LAMTOR4: variants seen among roughly 807,000 people sequenced by gnomAD.
The protein encoded by LAMTOR4 is ragulator complex protein LAMTOR4.
Under a neutral mutation model 13.5 loss-of-function variants are expected in LAMTOR4, and 11 were observed. The observed-to-expected ratio is 0.82, with a 90% confidence interval of 0.51 to 1.35. The LOEUF (loss-of-function observed/expected upper bound fraction) is 1.35. Ranked by LOEUF, LAMTOR4 falls within the 40% of genes most tolerant of loss-of-function variation. LAMTOR4 has a pLI of 0.00. For synonymous variants in LAMTOR4, 69 were observed against 52.3 expected (o/e 1.32, Z -1.38); for missense variants, 128 against 126.2 (o/e 1.01, Z -0.07).
chr7:100,151,087 T>G (rs558683052), intron 2 of LAMTOR4, among the ~76,000 whole-genome samples: 1 of 151,610 alleles, frequency 6.6e-6, no homozygotes, highest in Non-Finnish European at 1.5e-5. Context: ...TTTGTTTTTG[T>G]TTTTTGAGAC....
At chr7:100,151,358 TAAGCCAC>T (rs1798694906) in intron 2 of LAMTOR4, among the ~76,000 whole-genome samples, 1 of 151,434 alleles carries the variant, frequency 6.6e-6, no homozygotes, top group Non-Finnish European at 1.5e-5. Flanking sequence ...ATTACAGGCA[TAAGCCAC>T]TGCACCCGGC....
At chr7:100,150,919 G>A (rs1798679143) in intron 2 of LAMTOR4, among the ~76,000 whole-genome samples, 1 of 149,648 alleles carries the variant, frequency 6.7e-6, no homozygotes, top group Non-Finnish European at 1.5e-5. Context: ...AACCTGGAAG[G>A]TGGAGGTTGC....
At chr7:100,151,375 C>G (rs910763470) in intron 2 of LAMTOR4, among the ~76,000 whole-genome samples, 2 of 148,768 alleles carry the variant, frequency 1.3e-5, no homozygotes, top group African/African-American at 5.0e-5. Flanking sequence ...CTGCACCCGG[C>G]CTGTTTTTTT....
chr7:100,148,998 G>A, intron 1 of LAMTOR4, 23 bp downstream of exon 1: 1 of 1,608,010 alleles, frequency 6.2e-7, no homozygotes, highest in Admixed American at 1.7e-5. Flanking sequence ...GCATGCGCGA[G>A]AGGACCCGCC....
chr7:100,148,953 C>A lies in LAMTOR4; in HGVS notation c.-20C>A. ...AAGCTACCTATCTGGTAGGGAGCTC[C>A]CCCAGCACCGAAGACTGCGATGGTG... On this transcript the variant is annotated 5_prime_UTR_variant, in exon 1 of 4. Transcript: ENST00000341942. 6.2e-7 allele frequency: 1 copy of A among 1,612,294 alleles called. No individual in the cohort carries two copies. Among genetic ancestry groups the A allele is most frequent in the African/African-American group, 1.3e-5 (1 of 75,044 alleles).
chr7:100,154,189 G>C lies in LAMTOR4; in HGVS notation c.*225G>C. 1.9e-6 allele frequency: 1 copy of C among 528,858 alleles called. No homozygotes were observed. The highest frequency in any genetic ancestry group is 3.3e-5 in the East Asian group (1 of 30,686). The allele number at this position is 528,858 out of a possible 1,614,324, so 32.8% of individuals were successfully genotyped here. ...CTCCCTCACTCCCTAATAAACATGA[G>C]TCTGATGTTCTCCAGCCCAGGGACA... On this transcript the variant is annotated 3_prime_UTR_variant, in exon 4 of 4. Coordinates refer to ENST00000341942, the MANE Select transcript of LAMTOR4 (RefSeq NM_001008395.4).
rs200961392 is a variant in LAMTOR4 at position 100,153,491 on chromosome 7, T to C, written c.176T>C (p.Met59Thr). The change falls in exon 3 of 4, where the codon ATG becomes ACG. Residue 59 changes from methionine to threonine, a missense_variant. Transcript: ENST00000341942. ...TACGFRLHRG[M>T]NVPFKRLSVV... is the part of the protein sequence containing the mutation. ...TGCGGTTTCCGGCTGCACCGCGGCA[T>C]GAATGTGCCCTTCAAGCGCCTGTCT... The C allele has an allele frequency of 1.1e-4, 184 of 1,608,594 alleles. No individual in the cohort carries two copies. The highest frequency in any genetic ancestry group is 3.3e-4 in the Middle Eastern group (2 of 6,062).
At chr7:100,149,858 C>T in intron 2 of LAMTOR4, 1 of 262,736 alleles carries the variant, frequency 3.8e-6, no homozygotes, top group Non-Finnish European at 7.5e-6. Context: ...TCACTGCAAC[C>T]TCCGCCTCCG....
At chr7:100,150,701 C>G (rs79810375) in intron 2 of LAMTOR4, among the ~76,000 whole-genome samples, 2 of 152,038 alleles carry the variant, frequency 1.3e-5, no homozygotes, top group Non-Finnish European at 2.9e-5. Context: ...AGAGATGAGA[C>G]TGGGCTGGGC....
intron 2 of LAMTOR4, among the ~76,000 whole-genome samples, chr7:100,151,122 T>C (rs1798685781): frequency 6.6e-6 from 1 of 151,968 alleles, no homozygotes; most frequent in Non-Finnish European, 1.5e-5. Context: ...TGGCCCAGGC[T>C]GGAGTGCAGT....
At chr7:100,153,778 G>T in intron 3 of LAMTOR4, 89 bp from the exon 4 acceptor site, 1 of 934,986 alleles carries the variant, frequency 1.1e-6, no homozygotes, top group Non-Finnish European at 1.7e-6. Flanking sequence ...CAATGTGCGT[G>T]TGGCCCCGCC....
chr7:100,150,243 G>A (rs770984889), intron 2 of LAMTOR4, among the ~76,000 whole-genome samples: 8 of 152,208 alleles, frequency 5.3e-5, no homozygotes, highest in Non-Finnish European at 1.2e-4. Flanking sequence ...TAAGTCTCCA[G>A]ATGTTTTTGA....
Position 100,149,561 on chromosome 7 carries a change from T to C in LAMTOR4, c.66T>C (p.Ser22=). The stretch of plus-strand genomic sequence containing the variant: ...ACCAGCTCGGCTACCTGGTACTGAG[T>C]GAAGGTGCAGTGCTGGCGGTGCGTT... ...IPDQLGYLVL[S]EGAVLASSGD... The change falls in exon 2 of 4, where the codon AGT becomes AGC. Residue 22 remains serine (S), a synonymous_variant. Transcript: ENST00000341942. 6.2e-7 allele frequency: 1 copy of C among 1,613,800 alleles called. No individual in the cohort carries two copies. Among genetic ancestry groups the C allele is most frequent in the African/African-American group, 1.3e-5 (1 of 74,968 alleles).
intron 1 of LAMTOR4, 180 bp downstream of exon 1, chr7:100,149,155 G>A (rs1798619502): frequency 1.3e-6 from 1 of 757,456 alleles, no homozygotes; most frequent in Non-Finnish European, 2.1e-6. Context: ...GTCTGTGGGA[G>A]GGTGTTCTGG....
Position 100,148,940 on chromosome 7 carries a change from T to A in LAMTOR4, c.-33T>A. Reference sequence around the variant, plus strand: ...GGCCTGAAGCCGGAAGCTACCTATCTGGTAGGGAGCTCCCCCAGCACCGAA... The same window carrying A: ...GGCCTGAAGCCGGAAGCTACCTATCAGGTAGGGAGCTCCCCCAGCACCGAA... On this transcript the variant is annotated 5_prime_UTR_variant, in exon 1 of 4. Transcript: ENST00000341942. 6.2e-7 allele frequency: 1 copy of A among 1,611,940 alleles called. No individual in the cohort carries two copies. Among genetic ancestry groups the A allele is most frequent in the South Asian group, 1.1e-5 (1 of 91,076 alleles).
At chr7:100,153,287 GC>G in intron 2 of LAMTOR4, 112 bp from the exon 3 acceptor site, 1 of 753,386 alleles carries the variant, frequency 1.3e-6, no homozygotes, top group Non-Finnish European at 2.2e-6. Flanking sequence ...GAGGGTACTG[GC>G]AAGCCAAGGG....
intron 2 of LAMTOR4, among the ~76,000 whole-genome samples, chr7:100,151,189 C>T (rs1489368606): frequency 6.6e-6 from 1 of 151,502 alleles, no homozygotes; most frequent in African/African-American, 2.4e-5. Flanking sequence ...ATTTTCCTGC[C>T]TCAGCCTCCT....
intron 2 of LAMTOR4, among the ~76,000 whole-genome samples, chr7:100,151,366 TGC>T (rs1798695330): frequency 6.7e-6 from 1 of 148,524 alleles, no homozygotes; most frequent in Non-Finnish European, 1.5e-5. Flanking sequence ...CATAAGCCAC[TGC>T]ACCCGGCCTG....
In LAMTOR4 at chr7:100,153,532, C is replaced by CTGCCCT; in HGVS notation, c.202+18_202+23dup. The CTGCCCT allele has an allele frequency of 1.2e-6, 2 of 1,600,594 alleles. No homozygotes were observed. Among genetic ancestry groups the CTGCCCT allele is most frequent in the Non-Finnish European group, 1.7e-6 (2 of 1,175,994 alleles). On this transcript the variant is annotated intron_variant, in intron 3 of 3. Transcript: ENST00000341942. ...GCGCCTGTCTGGTGAGCCCCTGCCC[C>CTGCCCT]TGCCCTTGGTGGTGGTACTGGGAGC...
Sources: allele counts gnomAD v4.1 joint callset (sites outside exome capture counted in the v4.1 genomes callset), GRCh38; gene constraint gnomAD v4.1.1; transcripts MANE v1.5; gene names NCBI Gene and HGNC (gene_info 2026-07-23, HGNC 2026-07-21).